The following HADHB variants were observed in gnomAD, a reference collection of about 807,000 sequenced individuals.
HADHB encodes hydroxyacyl-CoA dehydrogenase trifunctional multienzyme complex subunit beta.
HADHB carries 50 observed loss-of-function variants against 61.9 expected under a neutral mutation model. The ratio of observed to expected loss-of-function variants is 0.81; its 90% CI spans 0.64 to 1.02. The LOEUF (loss-of-function observed/expected upper bound fraction) is 1.02, where lower values mean the gene tolerates loss of function less well. Ranked by LOEUF, HADHB falls within the 50% of genes least tolerant of loss-of-function variation. HADHB has a pLI of 0.00. For synonymous variants in HADHB, 191 were observed against 201.6 expected (o/e 0.95, Z 0.45); for missense variants, 504 against 586.5 (o/e 0.86, Z 1.45).
chr2:26,248,827 C>T (rs184441039), intron 1 of HADHB, among the ~76,000 whole-genome samples: 2 of 151,822 alleles, frequency 1.3e-5, no homozygotes, highest in African/African-American at 2.4e-5. Context: ...GAGGCAGAGG[C>T]GGGCGGATCA....
intron 3 of HADHB, among the ~76,000 whole-genome samples, chr2:26,256,527 GTA>G (rs56218622): frequency 0.73 from 109,597 of 149,294 alleles, 39,977 homozygotes; most frequent in African/African-American, 0.76. Context: ...TTCTCTCTGT[GTA>G]TATATATATA....
chr2:26,265,597 A>AAAC (rs58410284), intron 4 of HADHB, among the ~76,000 whole-genome samples: 2,980 of 151,728 alleles, frequency 0.02, 85 homozygotes, highest in African/African-American at 0.06. Context: ...CTCCATCTCA[A>AAAC]AACAACAACA....
intron 12 of HADHB, 58 bp from the exon 13 acceptor site, chr2:26,284,059 A>T: frequency 1.1e-6 from 1 of 918,252 alleles, no homozygotes; most frequent in Non-Finnish European, 1.8e-6. Flanking sequence ...GGGGAATATG[A>T]AGGAGCTCTT....
At chr2:26,278,234 G>A (rs570460758) in intron 7 of HADHB, among the ~76,000 whole-genome samples, 2 of 152,356 alleles carry the variant, frequency 1.3e-5, no homozygotes, top group South Asian at 2.1e-4. Flanking sequence ...TTCAACAGCT[G>A]TAATTTCTCT....
chr2:26,287,973 A>G (rs1673107450), intron 15 of HADHB, among the ~76,000 whole-genome samples: 1 of 152,208 alleles, frequency 6.6e-6, no homozygotes, highest in Admixed American at 6.5e-5. Flanking sequence ...TGTTTAAAAT[A>G]AAGCCAGAGA....
intron 1 of HADHB, 48 bp from the exon 2 acceptor site, chr2:26,254,199 C>A: frequency 1.1e-6 from 1 of 882,324 alleles, no homozygotes; most frequent in African/African-American, 1.6e-5. Context: ...ATGTAAACTA[C>A]AAATTGTTCA....
At chr2:26,261,178 G>T in intron 3 of HADHB, 1 of 529,306 alleles carries the variant, frequency 1.9e-6, no homozygotes, top group Non-Finnish European at 3.4e-6. Context: ...AGAGGGGCCT[G>T]TGGGATGTCC....
Position 26,290,128 on chromosome 2 carries a change from TAATC to T in HADHB, c.*177_*180del, listed in dbSNP as rs1673210789. On this transcript the variant is annotated 3_prime_UTR_variant, in exon 16 of 16. Transcript: ENST00000317799. Reference sequence around the variant, plus strand: ...CTTGCCAGTGTTCTGAGCTTTTCAATAATCAGTTTACTGCTCTTTCAGGGATTTC... The same window carrying T: ...CTTGCCAGTGTTCTGAGCTTTTCAATAGTTTACTGCTCTTTCAGGGATTTC... 1 of 659,328 alleles carries T rather than the reference TAATC, an allele frequency of 1.5e-6. No individual in the cohort carries two copies. Among genetic ancestry groups the T allele is most frequent in the African/African-American group, 1.8e-5 (1 of 55,876 alleles). 40.8% of individuals were successfully genotyped at this position (659,328 alleles called of 1,614,324 possible).
chr2:26,258,209 C>T (rs1671710128), intron 3 of HADHB, among the ~76,000 whole-genome samples: 1 of 152,234 alleles, frequency 6.6e-6, no homozygotes, highest in East Asian at 1.9e-4. Context: ...GCTGATAACT[C>T]AAGTCCCATT....
At position 26,244,995 on chromosome 2, in the gene HADHB, G is replaced by C; in HGVS notation, c.-9+5G>C. The C allele has an allele frequency of 4.0e-6, 1 of 251,710 alleles. No individual in the cohort carries two copies. The highest frequency in any genetic ancestry group is 2.2e-5 in the African/African-American group (1 of 45,686). The allele number at this position is 251,710 out of a possible 1,614,324, so 15.6% of individuals were successfully genotyped here. ...TCCTCGCGGACGTCAGCCAAGGTGA[G>C]ACGGCGAGCCCTCAGCTCTCCGCCC... On this transcript the variant is annotated splice_donor_5th_base_variant and intron_variant, in intron 1 of 15. Coordinates refer to ENST00000317799, the MANE Select transcript of HADHB (RefSeq NM_000183.3).
intron 3 of HADHB, chr2:26,261,316 A>G (rs889028529): frequency 7.6e-5 from 31 of 408,226 alleles, no homozygotes; most frequent in African/African-American, 6.0e-4. Context: ...GAGAACAGGC[A>G]TTGCAGAATA....
At chr2:26,260,082 T>G (rs918622247) in intron 3 of HADHB, among the ~76,000 whole-genome samples, 13 of 86,194 alleles carry the variant, frequency 1.5e-4, no homozygotes, top group Non-Finnish European at 3.2e-4. Context: ...TTTTTTCTGG[T>G]TTTTTTTTTT....
At chr2:26,266,227 G>A (rs988718556) in intron 4 of HADHB, among the ~76,000 whole-genome samples, 1 of 151,934 alleles carries the variant, frequency 6.6e-6, no homozygotes, top group Non-Finnish European at 1.5e-5. Context: ...GAACGTATAT[G>A]AGCTATGCTA....
intron 6 of HADHB, among the ~76,000 whole-genome samples, chr2:26,275,973 G>GAT (rs1672519727): frequency 6.6e-6 from 1 of 152,166 alleles, no homozygotes; most frequent in African/African-American, 2.4e-5. Flanking sequence ...CCTATAATGG[G>GAT]ATCCAGTATT....
intron 5 of HADHB, among the ~76,000 whole-genome samples, chr2:26,271,987 A>G (rs1399145090): frequency 2.0e-5 from 3 of 152,166 alleles, no homozygotes; most frequent in African/African-American, 7.2e-5. Flanking sequence ...TTGCTTGATC[A>G]TAGCTCACTG....
rs1298909276 is a variant in HADHB at position 26,260,718 on chromosome 2, T to C, written c.110-2662T>C. 1.8e-5 allele frequency: 7 copies of C among 380,782 alleles called. No individual in the cohort carries two copies. The Admixed American group carries it at 2.1e-4, about 11-fold the overall frequency. The allele number at this position is 380,782 out of a possible 1,614,324, so 23.6% of individuals were successfully genotyped here. ...ACCCTCAAGTTAAGGATGAGAAGGTTTGTGTGTACTACAGCTGGAAAGGTG... is the reference window on the plus strand; with the variant it reads ...ACCCTCAAGTTAAGGATGAGAAGGTCTGTGTGTACTACAGCTGGAAAGGTG... On this transcript the variant is annotated intron_variant, in intron 3 of 15. Transcript: ENST00000317799.
chr2:26,261,612 TA>T (rs975709920), intron 3 of HADHB: 6 of 152,482 alleles, frequency 3.9e-5, no homozygotes, highest in African/African-American at 1.4e-4. Flanking sequence ...CCATCTTTAC[TA>T]AAAATATAAA....
In HADHB at chr2:26,279,372, C is replaced by G. The variant is rs868583312; in HGVS notation, c.811+57C>G. 9.3e-6 allele frequency: 11 copies of G among 1,188,654 alleles called. No homozygotes were observed. In the Middle Eastern group the frequency reaches 1.7e-3, roughly 186 times the overall value. The allele number at this position is 1,188,654 out of a possible 1,614,324, so 73.6% of individuals were successfully genotyped here. On this transcript the variant is annotated intron_variant, in intron 9 of 15. Transcript: ENST00000317799. ...GGAGTTCTGAATTGCTCCTAAAACT[C>G]AAAAACATCCCGAGTGATTTTTCCA...
intron 4 of HADHB, among the ~76,000 whole-genome samples, chr2:26,267,265 T>A (rs1672124810): frequency 6.6e-6 from 1 of 151,970 alleles, no homozygotes; most frequent in Admixed American, 6.6e-5. Context: ...CTTTGAAGAA[T>A]GATTAGGGCT....
Sources: gnomAD v4.1 joint callset for allele counts (sites outside exome capture counted in the v4.1 genomes callset) on GRCh38, gnomAD v4.1.1 for gene constraint, MANE v1.5 for transcripts, NCBI Gene and HGNC (gene_info 2026-07-23, HGNC 2026-07-21) for gene names.